The following ZRANB3 variants were observed in gnomAD, a reference collection of about 807,000 sequenced individuals.
The protein encoded by ZRANB3 is zinc finger RANBP2-type containing 3, also known as DNA annealing helicase and endonuclease ZRANB3.
ZRANB3 carries 125 observed loss-of-function variants against 133.8 expected under a neutral mutation model. The observed-to-expected ratio is 0.93, with a 90% CI of 0.81 to 1.08. ZRANB3 has a LOEUF of 1.08. ZRANB3 is among the 50% of genes least tolerant of loss of function. ZRANB3 has a pLI of 0.00. For missense variants in ZRANB3, 1,229 were observed against 1,275.5 expected (o/e 0.96, Z 0.56); for synonymous variants, 387 against 432.7 (o/e 0.89, Z 1.31).
chr2:135,403,388 C>T (rs147314010), intron 2 of ZRANB3, among the ~76,000 whole-genome samples: 6,588 of 152,272 alleles, frequency 0.043, 479 homozygotes, highest in African/African-American at 0.15. Context: ...AACTGGAAGG[C>T]GGCAGCAAGG....
chr2:135,515,522 C>T (rs114682710), intron 1 of ZRANB3, among the ~76,000 whole-genome samples: 4,210 of 152,184 alleles, frequency 0.028, 88 homozygotes, highest in South Asian at 0.045. Flanking sequence ...TATTTACTTC[C>T]GCCTTCATTT....
chr2:135,207,293 TG>T, intron 19 of ZRANB3, 140 bp downstream of exon 19: 1 of 925,224 alleles, frequency 1.1e-6, no homozygotes, highest in Non-Finnish European at 1.5e-6. Flanking sequence ...CTGTTAAAGC[TG>T]GCTGATGGAC....
intron 8 of ZRANB3, among the ~76,000 whole-genome samples, chr2:135,277,585 T>C (rs949276766): frequency 7.9e-5 from 12 of 152,170 alleles, no homozygotes; most frequent in African/African-American, 2.9e-4. Flanking sequence ...AATGGATAAT[T>C]CATTGGTTAT....
intron 12 of ZRANB3, among the ~76,000 whole-genome samples, chr2:135,263,142 T>C (rs1212960334): frequency 1.3e-5 from 2 of 152,194 alleles, no homozygotes; most frequent in African/African-American, 4.8e-5. Flanking sequence ...TTTATAAATT[T>C]GATATGTATT....
intron 2 of ZRANB3, among the ~76,000 whole-genome samples, chr2:135,486,396 A>C (rs1459560011): frequency 1.3e-5 from 2 of 152,108 alleles, no homozygotes; most frequent in Non-Finnish European, 2.9e-5. Flanking sequence ...ATAAGAAGCA[A>C]CTCCTCATCG....
intron 12 of ZRANB3, among the ~76,000 whole-genome samples, chr2:135,256,564 G>C (rs1395075805): frequency 6.6e-6 from 1 of 152,080 alleles, no homozygotes; most frequent in East Asian, 1.9e-4. Flanking sequence ...CCAACCTCAG[G>C]TGACCCACCC....
chr2:135,275,671 G>A lies in ZRANB3; in HGVS notation c.1051C>T (p.Leu351Phe). 1 of 1,606,558 alleles carries A rather than the reference G, an allele frequency of 6.2e-7. No homozygotes were observed. Among genetic ancestry groups the A allele is most frequent in the Non-Finnish European group, 8.5e-7 (1 of 1,176,120 alleles). ...ATGACTGCTTCTGTGCAAGCTTGGA[G>A]CATGCTTAAATGGTGAGCAAAAACC... The part of the protein sequence containing the change: ...FLVFAHHLSM[L>F]QACTEAVIEN... Residue 351 changes from leucine to phenylalanine, a missense_variant, in exon 9 of 21, where the codon CTC becomes TTC. Physicochemically the swap from Leu to Phe is conservative, Grantham distance 22. Coordinates refer to ENST00000264159, the MANE Select transcript of ZRANB3 (RefSeq NM_032143.4).
intron 12 of ZRANB3, among the ~76,000 whole-genome samples, chr2:135,256,877 C>T (rs1288785921): frequency 6.6e-6 from 1 of 152,208 alleles, no homozygotes; most frequent in Admixed American, 6.5e-5. Flanking sequence ...CAAGACCCAC[C>T]AAAACCAAGA....
intron 8 of ZRANB3, among the ~76,000 whole-genome samples, chr2:135,299,065 A>G (rs1248071333): frequency 6.6e-6 from 1 of 152,126 alleles, no homozygotes; most frequent in Non-Finnish European, 1.5e-5. Flanking sequence ...AGGACTATAT[A>G]GATTCTAAGA....
At position 135,424,774 on chromosome 2, in the gene ZRANB3, A is replaced by T. The variant is rs569881294; in HGVS notation, c.162-33954T>A. Among the ~76,000 whole-genome samples the T allele has an allele frequency of 2.0e-5, 3 of 152,302 alleles. No individual in the cohort carries two copies. The South Asian group carries it at 6.2e-4, about 32-fold the overall frequency. ...TACATAAAATCCCCAAATGAAAGGA[A>T]ATTAGTTTCTATATTCAATGGGTCG... is the stretch of plus-strand genomic sequence containing the variant. On this transcript the variant is annotated intron_variant, in intron 2 of 20. Coordinates refer to ENST00000264159, the MANE Select transcript of ZRANB3 (RefSeq NM_032143.4).
chr2:135,202,705 G>A, intron 20 of ZRANB3, 127 bp downstream of exon 20: 1 of 1,166,390 alleles, frequency 8.6e-7, no homozygotes. Flanking sequence ...GGTGATGAAA[G>A]GAGTAAAATG....
intron 9 of ZRANB3, among the ~76,000 whole-genome samples, chr2:135,274,898 C>G (rs1680713971): frequency 6.6e-6 from 1 of 152,130 alleles, no homozygotes; most frequent in African/African-American, 2.4e-5. Flanking sequence ...TCCATTTAAC[C>G]CTGAGTGGAC....
At chr2:135,234,400 A>G (rs1274905591) in intron 12 of ZRANB3, among the ~76,000 whole-genome samples, 1 of 152,210 alleles carries the variant, frequency 6.6e-6, no homozygotes, top group African/African-American at 2.4e-5. Context: ...CAGAAAGTTA[A>G]CAAGGATATC....
At chr2:135,327,043 T>TA in intron 6 of ZRANB3, among the ~76,000 whole-genome samples, 1 of 150,910 alleles carries the variant, frequency 6.6e-6, no homozygotes, top group Non-Finnish European at 1.5e-5. Context: ...ATAGCAAAAA[T>TA]AAAACTGGTC....
At chr2:135,460,381 T>C (rs1325377251) in intron 2 of ZRANB3, among the ~76,000 whole-genome samples, 4 of 151,814 alleles carry the variant, frequency 2.6e-5, no homozygotes, top group Non-Finnish European at 2.9e-5. Context: ...CCTGCTTCAG[T>C]CTCCTGAGTG....
At chr2:135,527,200 C>T (rs1190804889) in intron 1 of ZRANB3, among the ~76,000 whole-genome samples, 1 of 152,054 alleles carries the variant, frequency 6.6e-6, no homozygotes, top group African/African-American at 2.4e-5. Flanking sequence ...CTCTTTTTGT[C>T]GACAATCATC....
intron 2 of ZRANB3, among the ~76,000 whole-genome samples, chr2:135,480,927 C>T (rs1318417273): frequency 6.9e-6 from 1 of 145,852 alleles, no homozygotes; most frequent in Non-Finnish European, 1.5e-5. Context: ...ATCCATGTCC[C>T]TACAAAGGAC....
At position 135,277,937 on chromosome 2, in the gene ZRANB3, A is replaced by C. The variant is rs553386610; in HGVS notation, c.967-2182T>G. Among the ~76,000 whole-genome samples, 509 of 151,774 alleles carry C rather than the reference A, an allele frequency of 3.4e-3. 2 individuals carry two copies. Among genetic ancestry groups the C allele is most frequent in the African/African-American group, 0.01 (432 of 41,430 alleles). On this transcript the variant is annotated intron_variant, in intron 8 of 20. Coordinates refer to ENST00000264159, the MANE Select transcript of ZRANB3 (RefSeq NM_032143.4). Reference sequence around the variant, plus strand: ...GACTCTGTCTCAAAAAAAAAACAAAAAAAAAAAACAAATATAAAATGTAAA... The same window carrying C: ...GACTCTGTCTCAAAAAAAAAACAAACAAAAAAAACAAATATAAAATGTAAA...
intron 2 of ZRANB3, among the ~76,000 whole-genome samples, chr2:135,397,920 C>G (rs1309534059): frequency 2.6e-5 from 4 of 152,156 alleles, no homozygotes; most frequent in African/African-American, 9.7e-5. Context: ...GGGTCATTGT[C>G]TGCATATGTA....
Sources: gnomAD v4.1 joint callset for allele counts (sites outside exome capture counted in the v4.1 genomes callset) on GRCh38, gnomAD v4.1.1 for gene constraint, MANE v1.5 for transcripts, NCBI Gene and HGNC (gene_info 2026-07-23, HGNC 2026-07-21) for gene names.